The following PIAS1 variants were observed in gnomAD, a reference collection of about 807,000 sequenced individuals.
The protein encoded by PIAS1 is protein inhibitor of activated STAT 1, also known as E3 SUMO-protein ligase PIAS1.
In PIAS1, 6 loss-of-function variants were observed where a neutral mutation model predicts 71.3. That is an observed-to-expected ratio of 0.08 (90% CI 0.05 to 0.17). The LOEUF (loss-of-function observed/expected upper bound fraction) is 0.17. Ranked by LOEUF, PIAS1 falls within the 10% of genes least tolerant of loss-of-function variation. The probability of loss-of-function intolerance (pLI) is 1.00; values close to 1 mark genes in which losing one functional copy is unlikely to be tolerated. For missense variants in PIAS1, 555 were observed against 793.6 expected (o/e 0.70, Z 3.61); for synonymous variants, 303 against 292.9 (o/e 1.03, Z -0.35).
intron 2 of PIAS1, among the ~76,000 whole-genome samples, chr15:68,121,973 C>T (rs1053961542): frequency 6.6e-6 from 1 of 151,918 alleles, no homozygotes; most frequent in African/African-American, 2.4e-5. Flanking sequence ...ACAAAAAATA[C>T]AAAAAATTAG....
At chr15:68,129,943 G>T (rs541257920) in intron 2 of PIAS1, among the ~76,000 whole-genome samples, 2 of 151,860 alleles carry the variant, frequency 1.3e-5, no homozygotes, top group East Asian at 3.9e-4. Flanking sequence ...TAGATTATGG[G>T]GTAGACTTTT....
At chr15:68,098,848 A>G (rs2092399704) in intron 2 of PIAS1, among the ~76,000 whole-genome samples, 1 of 152,180 alleles carries the variant, frequency 6.6e-6, no homozygotes, top group Non-Finnish European at 1.5e-5. Context: ...ATTCTGTGAT[A>G]TATATCACTA....
intron 1 of PIAS1, among the ~76,000 whole-genome samples, chr15:68,081,912 A>C (rs2092233022): frequency 6.6e-6 from 1 of 151,956 alleles, no homozygotes; most frequent in Non-Finnish European, 1.5e-5. Flanking sequence ...CAATTAAAAA[A>C]AAAAAAGACC....
chr15:68,072,692 T>G (rs2092112089), intron 1 of PIAS1, among the ~76,000 whole-genome samples: 1 of 152,226 alleles, frequency 6.6e-6, no homozygotes, highest in Non-Finnish European at 1.5e-5. Flanking sequence ...TTACCGTCAC[T>G]ATTTCAGACT....
intron 11 of PIAS1, among the ~76,000 whole-genome samples, chr15:68,179,499 G>A (rs954866235): frequency 6.8e-6 from 1 of 147,566 alleles, no homozygotes; most frequent in African/African-American, 2.5e-5. Context: ...TCATTAAAAT[G>A]TGGTAGATGG....
chr15:68,163,685 T>C (rs186202663), intron 7 of PIAS1, among the ~76,000 whole-genome samples: 142 of 152,324 alleles, frequency 9.3e-4, no homozygotes, highest in African/African-American at 3.4e-3. Context: ...GACTCTGAAA[T>C]TGTAACTTAC....
At position 68,189,579 on chromosome 15, in the gene PIAS1, C is replaced by A. The variant is rs1463856105; in HGVS notation, c.*1744C>A. 1 of 151,954 alleles carries A rather than the reference C, an allele frequency of 6.6e-6. No individual in the cohort carries two copies. Among genetic ancestry groups the A allele is most frequent in the African/African-American group, 2.4e-5 (1 of 41,344 alleles). The allele number at this position is 151,954 out of a possible 1,614,324, so 9.4% of individuals were successfully genotyped here. A position where few individuals can be genotyped will look rare whatever the true frequency, so the allele number is the denominator to read the frequency against. On this transcript the variant is annotated 3_prime_UTR_variant, in exon 14 of 14. Coordinates refer to ENST00000249636, the MANE Select transcript of PIAS1 (RefSeq NM_016166.3). ...AAAATAATGTTTTTATAGCATCTCT[C>A]TGCCACTAAATTGTTGACTTGAATT...
Position 68,189,895 on chromosome 15 carries a change from A to G in PIAS1, c.*2060A>G, listed in dbSNP as rs2093111113. On this transcript the variant is annotated 3_prime_UTR_variant, in exon 14 of 14. Transcript: ENST00000249636. ...TCTAATACTACCATAATTTGTGTCT[A>G]AATTTCTGTTGGGGTAGAAATTACT... 1 of 152,148 alleles carries G rather than the reference A, an allele frequency of 6.6e-6. No individual in the cohort carries two copies. The highest frequency in any genetic ancestry group is 2.1e-4 in the South Asian group (1 of 4,834). 9.4% of individuals were successfully genotyped at this position (152,148 alleles called of 1,614,324 possible).
rs1567065720 is a variant in PIAS1 at position 68,151,938 on chromosome 15, A to ATTTTTTT, written c.829-1652_829-1651insTTTTTTT. Among the ~76,000 whole-genome samples the ATTTTTTT allele has an allele frequency of 2.7e-4, 10 of 37,318 alleles. No homozygotes were observed. The East Asian group carries it at 4.1e-3, about 15-fold the overall frequency. 24.5% of individuals were successfully genotyped at this position (37,318 alleles called of 152,430 possible). A position where few individuals can be genotyped will look rare whatever the true frequency, so the allele number is the denominator to read the frequency against. Reference sequence around the variant, plus strand: ...TATGTTGTATGCTCTAAAATTTAGGAATTTTTTTTTTTTTTTTTTTTTGGG... The same window carrying ATTTTTTT: ...TATGTTGTATGCTCTAAAATTTAGGATTTTTTTATTTTTTTTTTTTTTTTTTTTTGGG... On this transcript the variant is annotated intron_variant, in intron 6 of 13. Coordinates refer to ENST00000249636, the MANE Select transcript of PIAS1 (RefSeq NM_016166.3).
chr15:68,112,211 A>G (rs943638677), intron 2 of PIAS1, among the ~76,000 whole-genome samples: 12 of 152,052 alleles, frequency 7.9e-5, no homozygotes, highest in Non-Finnish European at 1.6e-4. Context: ...TGCACATTAG[A>G]TCCTACTCAC....
At chr15:68,099,747 T>C (rs1016517625) in intron 2 of PIAS1, among the ~76,000 whole-genome samples, 1 of 151,998 alleles carries the variant, frequency 6.6e-6, no homozygotes, top group African/African-American at 2.4e-5. Context: ...CTTCTGGTAT[T>C]GTATGAGAGG....
intron 2 of PIAS1, among the ~76,000 whole-genome samples, chr15:68,095,451 ATTTC>A (rs944696789): frequency 1.7e-4 from 26 of 150,804 alleles, no homozygotes; most frequent in African/African-American, 4.9e-4. Context: ...TTTGGCGATC[ATTTC>A]TTTCTTTCTT....
chr15:68,055,287 C>A, intron 1 of PIAS1: 1 of 827,862 alleles, frequency 1.2e-6, no homozygotes, highest in Non-Finnish European at 1.5e-6. Flanking sequence ...GGACATCTTG[C>A]TGGCCATGTT....
At chr15:68,101,239 GAT>G (rs1170525944) in intron 2 of PIAS1, among the ~76,000 whole-genome samples, 1 of 151,764 alleles carries the variant, frequency 6.6e-6, no homozygotes, top group Non-Finnish European at 1.5e-5. Context: ...AATAGCTAAT[GAT>G]GTTGAACATC....
intron 1 of PIAS1, among the ~76,000 whole-genome samples, chr15:68,081,660 A>G (rs1232292878): frequency 1.3e-5 from 2 of 152,146 alleles, no homozygotes; most frequent in Admixed American, 6.5e-5. Flanking sequence ...TTAGGAGATA[A>G]AATTGAGGAA....
At chr15:68,142,125 T>C (rs2092774914) in intron 3 of PIAS1, 95 bp downstream of exon 3, 1 of 945,724 alleles carries the variant, frequency 1.1e-6, no homozygotes. Context: ...GAGTTAGTAT[T>C]TGTGTGATGC....
intron 2 of PIAS1, among the ~76,000 whole-genome samples, chr15:68,131,776 AT>A (rs1422418853): frequency 3.9e-5 from 6 of 152,134 alleles, no homozygotes; most frequent in Admixed American, 2.0e-4. Flanking sequence ...ACTTAGGTTG[AT>A]TCCGTACTTG....
Position 68,185,970 on chromosome 15 carries a change from A to T in PIAS1, c.1663-1572A>T, listed in dbSNP as rs1401781260. 1.8e-5 allele frequency among the ~76,000 whole-genome samples: 2 copies of T among 108,656 alleles called. No individual in the cohort carries two copies. Among genetic ancestry groups the T allele is most frequent in the Non-Finnish European group, 4.3e-5 (2 of 46,530 alleles). 71.3% of individuals were successfully genotyped at this position (108,656 alleles called of 152,430 possible). On this transcript the variant is annotated intron_variant, in intron 13 of 13. Coordinates refer to ENST00000249636, the MANE Select transcript of PIAS1 (RefSeq NM_016166.3). This position sits in a 1 kb window ranked among gnomAD's most constrained non-coding sequence, Gnocchi z 4.4. Reference sequence around the variant, plus strand: ...GGCAGAGCGAGACTCCATCTCAAAAACAAAACAAACAAAAAAAACATGGGC... The same window carrying T: ...GGCAGAGCGAGACTCCATCTCAAAATCAAAACAAACAAAAAAAACATGGGC...
chr15:68,056,447 A>C lies in PIAS1; in HGVS notation c.24+2097A>C, dbSNP rs559218958. On this transcript the variant is annotated intron_variant, in intron 1 of 13. Transcript: ENST00000249636. ...CAGATAAACACCAAACACTTGAAGAAATGTTATTTTTCTAAAATTAATCTC... is the reference window on the plus strand; with the variant it reads ...CAGATAAACACCAAACACTTGAAGACATGTTATTTTTCTAAAATTAATCTC... 7.9e-5 allele frequency among the ~76,000 whole-genome samples: 12 copies of C among 152,312 alleles called. No individual in the cohort carries two copies. In the South Asian group the frequency reaches 2.1e-3, roughly 26 times the overall value.
Sources: allele counts gnomAD v4.1 joint callset (sites outside exome capture counted in the v4.1 genomes callset), GRCh38; gene constraint gnomAD v4.1.1; non-coding constraint Gnocchi (gnomAD v3.1); transcripts MANE v1.5; gene names NCBI Gene and HGNC (gene_info 2026-07-23, HGNC 2026-07-21).